The following NCR3 variants were observed in gnomAD, a reference collection of about 807,000 sequenced individuals.
NCR3 encodes NK-p30.
In NCR3, 13 loss-of-function variants were observed where a neutral mutation model predicts 16.1. That is an observed-to-expected ratio of 0.81 (90% confidence interval 0.53 to 1.28). NCR3 has a LOEUF of 1.28. Ranked by LOEUF, NCR3 falls within the 50% of genes most tolerant of loss-of-function variation. The probability of loss-of-function intolerance (pLI) is 0.00; values close to 1 mark genes in which losing one functional copy is unlikely to be tolerated. For missense variants in NCR3, 202 were observed against 256.8 expected (o/e 0.79, Z 1.46); for synonymous variants, 98 against 106.6 (o/e 0.92, Z 0.50).
chr6:31,589,644 CAATGGAGACGGGGG>C lies in NCR3; in HGVS notation c.389-25_389-12del, dbSNP rs1163671918. 1.2e-6 allele frequency: 2 copies of C among 1,613,242 alleles called. No homozygotes were observed. The highest frequency in any genetic ancestry group is 2.7e-5 in the African/African-American group (2 of 75,004). ...CTAGCTGAGGATGTTCTGCATGGGG[CAATGGAGACGGGGG>C]TTGGGGAAGAAGTGCACACAGGCTC... On this transcript the variant is annotated splice_polypyrimidine_tract_variant and intron_variant, in intron 2 of 3. Coordinates refer to ENST00000340027, the MANE Select transcript of NCR3 (RefSeq NM_147130.3). This position sits in a 1 kb window ranked among gnomAD's most constrained non-coding sequence, Gnocchi z 4.8.
intron 1 of NCR3, among the ~76,000 whole-genome samples, chr6:31,592,447 A>G (rs1051067320): frequency 1.3e-5 from 2 of 151,524 alleles, no homozygotes; most frequent in African/African-American, 2.4e-5. Flanking sequence ...CAAGAAATTT[A>G]TCATAGATTT....
rs756613346 is a variant in NCR3 at position 31,589,920 on chromosome 6, G to A, written c.250C>T (p.Arg84Cys). The A allele has an allele frequency of 1.1e-5, 18 of 1,613,114 alleles. No individual in the cohort carries two copies. Among genetic ancestry groups the A allele is most frequent in the Middle Eastern group, 1.6e-4 (1 of 6,062 alleles). Residue 84 changes from arginine (R) to cysteine (C), a missense_variant, in exon 2 of 4, where the codon CGT (arginine) becomes TGT (cysteine). Coordinates refer to ENST00000340027, the MANE Select transcript of NCR3 (RefSeq NM_147130.3). This position sits in a 1 kb window ranked among gnomAD's most constrained non-coding sequence, Gnocchi z 4.8. Reference protein sequence around the residue: ...RGRLAPLASSRFLHDHQAELH... With the variant: ...RGRLAPLASSCFLHDHQAELH... ...TCAGCCTGGTGGTCATGGAGGAAACGGGAAGAAGCAAGTGGGGCCAGGCGG... is the reference window on the plus strand; with the variant it reads ...TCAGCCTGGTGGTCATGGAGGAAACAGGAAGAAGCAAGTGGGGCCAGGCGG...
rs1772710020 is a variant in NCR3, at chr6:31,592,538, C to A, written c.43+141G>T. 1.1e-5 allele frequency: 9 copies of A among 829,970 alleles called. No homozygotes were observed. In the East Asian group the frequency reaches 2.4e-4, roughly 22 times the overall value. The allele number at this position is 829,970 out of a possible 1,614,324, so 51.4% of individuals were successfully genotyped here. On this transcript the variant is annotated intron_variant, in intron 1 of 3. Coordinates refer to ENST00000340027, the MANE Select transcript of NCR3 (RefSeq NM_147130.3). ...ATTGGGGGAGTCCACTGAGTGTCAC[C>A]TTTGGAGCAGTCCCACTCCTCCCTC...
rs142523192 is a variant in NCR3, at chr6:31,592,602, A to G, written c.43+77T>C. On this transcript the variant is annotated intron_variant, in intron 1 of 3. Transcript: ENST00000340027. ...TCAGCCCCCACCAAGCCCGTTCCCT[A>G]TAGCATCTAGTCCAGCCTCCTGGAT... 3.8e-3 allele frequency: 5,792 copies of G among 1,542,974 alleles called. 38 individuals carry two copies. Among genetic ancestry groups the G allele is most frequent in the Middle Eastern group, 0.021 (123 of 5,954 alleles).
At chr6:31,590,241 T>C in intron 1 of NCR3, 115 bp from the exon 2 acceptor site, 3 of 813,584 alleles carry the variant, frequency 3.7e-6, no homozygotes, top group Middle Eastern at 2.3e-4. Flanking sequence ...TGCATGGGAA[T>C]AGATACTTTG....
At chr6:31,592,613 TCCAG>T in intron 1 of NCR3, 62 bp downstream of exon 1, 1 of 1,585,040 alleles carries the variant, frequency 6.3e-7, no homozygotes. Context: ...TAGCATCTAG[TCCAG>T]CCTCCTGGAT....
rs1441020149 is a variant in NCR3 at position 31,589,972 on chromosome 6, C to CCTCTGGGGT, written c.197_198insACCCCAGAG (p.Val66_Arg67insProGlnArg). 6.2e-7 allele frequency: 1 copy of CCTCTGGGGT among 1,612,970 alleles called. No homozygotes were observed. Among genetic ancestry groups the CCTCTGGGGT allele is most frequent in the African/African-American group, 1.3e-5 (1 of 74,936 alleles). ...CCCTGAACTCTGGGGTTCCATTCCTCACCTCCTTCCCTGGAACCACCTCAT... is the reference window on the plus strand; with the variant it reads ...CCCTGAACTCTGGGGTTCCATTCCTCCTCTGGGGTACCTCCTTCCCTGGAACCACCTCAT... On this transcript the variant is annotated inframe_insertion, in exon 2 of 4. Transcript: ENST00000340027. This position sits in a 1 kb window ranked among gnomAD's most constrained non-coding sequence, Gnocchi z 4.8.
chr6:31,592,673 T>A lies in NCR3; in HGVS notation c.43+6A>T. The A allele has an allele frequency of 6.2e-7, 1 of 1,612,948 alleles. No homozygotes were observed. Among genetic ancestry groups the A allele is most frequent in the South Asian group, 1.1e-5 (1 of 91,078 alleles). Reference sequence around the variant, plus strand: ...TCCTTGGGGTCCTGAGCGCACGCCCTGTCACCTGGATGGACCATGATCAAG... The same window carrying A: ...TCCTTGGGGTCCTGAGCGCACGCCCAGTCACCTGGATGGACCATGATCAAG... On this transcript the variant is annotated splice_donor_region_variant and intron_variant, in intron 1 of 3. Coordinates refer to ENST00000340027, the MANE Select transcript of NCR3 (RefSeq NM_147130.3).
At position 31,589,339 on chromosome 6, in the gene NCR3, T is replaced by C. The variant is rs1772399044; in HGVS notation, c.497-163A>G. The C allele has an allele frequency of 6.4e-7, 1 of 1,552,112 alleles. No homozygotes were observed. Among genetic ancestry groups the C allele is most frequent in the Non-Finnish European group, 8.7e-7 (1 of 1,147,140 alleles). ...AGGGACATCTGGGCTCTGGAATCAC[T>C]CCTCGGGGCCCATCTGAGGAGTGGC... On this transcript the variant is annotated intron_variant, in intron 3 of 3. Transcript: ENST00000340027. The surrounding 1 kb of genome is among the most constrained non-coding windows in gnomAD (Gnocchi z 4.8).
chr6:31,593,001 T>C lies in NCR3; in HGVS notation c.-280A>G, dbSNP rs1772749899. Reference sequence around the variant, plus strand: ...CAGCTTGTGGCAGGCTAGCTAAGCGTGTGAGGGGGAGGGTGGGGCTTAGAT... The same window carrying C: ...CAGCTTGTGGCAGGCTAGCTAAGCGCGTGAGGGGGAGGGTGGGGCTTAGAT... On this transcript the variant is annotated 5_prime_UTR_variant, in exon 1 of 4. Coordinates refer to ENST00000340027, the MANE Select transcript of NCR3 (RefSeq NM_147130.3). 4 of 554,020 alleles carry C rather than the reference T, an allele frequency of 7.2e-6. No individual in the cohort carries two copies. The East Asian group carries it at 1.2e-4, about 17-fold the overall frequency. The allele number at this position is 554,020 out of a possible 1,614,324, so 34.3% of individuals were successfully genotyped here.
At position 31,592,942 on chromosome 6, in the gene NCR3, A is replaced by G. The variant is rs544812212; in HGVS notation, c.-221T>C. The stretch of plus-strand genomic sequence containing the variant: ...GAGGAGAGAGGACAGATGCTGCTGG[A>G]GGAGATGTCAGGGTCTCTAGGAGGC... On this transcript the variant is annotated 5_prime_UTR_variant, in exon 1 of 4. Transcript: ENST00000340027. The G allele has an allele frequency of 6.6e-6, 4 of 603,128 alleles. No homozygotes were observed. Among genetic ancestry groups the G allele is most frequent in the Non-Finnish European group, 1.2e-5 (4 of 333,660 alleles). The allele number at this position is 603,128 out of a possible 1,614,324, so 37.4% of individuals were successfully genotyped here. A position where few individuals can be genotyped will look rare whatever the true frequency, so the allele number is the denominator to read the frequency against.
chr6:31,590,402 C>A (rs1225298990), intron 1 of NCR3, among the ~76,000 whole-genome samples: 3 of 152,062 alleles, frequency 2.0e-5, no homozygotes, highest in Non-Finnish European at 4.4e-5. Context: ...GAGATCGAGA[C>A]CATCCTGGCC....
At chr6:31,592,385 C>G (rs549024963) in intron 1 of NCR3, among the ~76,000 whole-genome samples, 32 of 150,722 alleles carry the variant, frequency 2.1e-4, no homozygotes, top group African/African-American at 7.8e-4. Context: ...GGCACTCCAG[C>G]CAGGCGACAG....
At position 31,589,084 on chromosome 6, in the gene NCR3, G is replaced by A; in HGVS notation, c.589C>T (p.Pro197Ser). 2.5e-6 allele frequency: 4 copies of A among 1,597,616 alleles called. No homozygotes were observed. Among genetic ancestry groups the A allele is most frequent in the Non-Finnish European group, 3.4e-6 (4 of 1,171,258 alleles). The change falls in exon 4 of 4, where the codon CCA (proline) becomes TCA (serine). Residue 197 changes from proline to serine, a missense_variant. By Grantham distance (74) the Pro-to-Ser change is moderately conservative. Coordinates refer to ENST00000340027, the MANE Select transcript of NCR3 (RefSeq NM_147130.3). The surrounding 1 kb of genome is among the most constrained non-coding windows in gnomAD (Gnocchi z 4.8). ...PCGSSAHLLP[P>S]VPGG ...AATCAGGCTCAGCCTCCTGGGACTG[G>A]GGGAAGCAGATGTGCTGAGCTCCCA...
At chr6:31,591,130 G>T (rs1433806135) in intron 1 of NCR3, among the ~76,000 whole-genome samples, 1 of 152,062 alleles carries the variant, frequency 6.6e-6, no homozygotes, top group Non-Finnish European at 1.5e-5. Context: ...CACCTGCCTC[G>T]GCCTCCCAAA....
chr6:31,592,767 C>G lies in NCR3; in HGVS notation c.-46G>C, dbSNP rs1254121843. 6.2e-7 allele frequency: 1 copy of G among 1,610,072 alleles called. No homozygotes were observed. Among genetic ancestry groups the G allele is most frequent in the Non-Finnish European group, 8.5e-7 (1 of 1,177,812 alleles). The stretch of plus-strand genomic sequence containing the variant: ...GCGAAGGGGATCTGAGCAGTGAGGT[C>G]TGGGTGGAGGAGGAAGGACTCACTA... On this transcript the variant is annotated 5_prime_UTR_variant, in exon 1 of 4. Coordinates refer to ENST00000340027, the MANE Select transcript of NCR3 (RefSeq NM_147130.3).
chr6:31,591,072 C>T (rs180986007), intron 1 of NCR3, among the ~76,000 whole-genome samples: 36 of 152,220 alleles, frequency 2.4e-4, no homozygotes, highest in African/African-American at 8.7e-4. Flanking sequence ...TCAAGTGATC[C>T]ACCCACCTCG....
chr6:31,590,022 T>C lies in NCR3; in HGVS notation c.148A>G (p.Ile50Val), dbSNP rs1469258162. Residue 50 changes from isoleucine to valine, a missense_variant, in exon 2 of 4, where the codon ATT (isoleucine) becomes GTT (valine). Transcript: ENST00000340027. ...TCTCGGAACCACGTGACGGAGCCAA[T>C]GGCCAGTCTCCCTTGGCTGGCATTG... ...SFNASQGRLA[I>V]GSVTWFRDEV... 1.2e-6 allele frequency: 2 copies of C among 1,612,866 alleles called. No individual in the cohort carries two copies. Among genetic ancestry groups the C allele is most frequent in the Admixed American group, 1.7e-5 (1 of 59,982 alleles).
Position 31,590,774 on chromosome 6 carries a change from C to T in NCR3, c.44-648G>A, listed in dbSNP as rs370670414. ...GCAGCTGCCTAGTTAACTAATATCA[C>T]TCATTATATTATCCAGGTATTATTT... On this transcript the variant is annotated intron_variant, in intron 1 of 3. Coordinates refer to ENST00000340027, the MANE Select transcript of NCR3 (RefSeq NM_147130.3). 3.9e-4 allele frequency among the ~76,000 whole-genome samples: 60 copies of T among 152,250 alleles called. 2 individuals carry two copies. In the South Asian group the frequency reaches 0.011, roughly 29 times the overall value.
Sources: allele counts gnomAD v4.1 joint callset (sites outside exome capture counted in the v4.1 genomes callset), GRCh38; gene constraint gnomAD v4.1.1; non-coding constraint Gnocchi (gnomAD v3.1); transcripts MANE v1.5; gene names NCBI Gene and HGNC (gene_info 2026-07-23, HGNC 2026-07-21).